Variants in SLC8A1 observed in about 807,000 individuals in gnomAD.
SLC8A1 encodes the protein sodium/calcium exchanger 1.
In SLC8A1, 18 loss-of-function variants were observed where a neutral mutation model predicts 68.3. The observed-to-expected ratio is 0.26, with a 90% confidence interval of 0.18 to 0.39. SLC8A1 has a LOEUF of 0.39. Among genes scored for constraint, SLC8A1 ranks in the 10% least tolerant of loss-of-function variants. The pLI, the probability that SLC8A1 is intolerant of heterozygous loss-of-function variation, is 1.00. For missense variants in SLC8A1, 985 were observed against 1,156.7 expected (o/e 0.85, Z 2.15); for synonymous variants, 475 against 415.5 (o/e 1.14, Z -1.74).
intron 2 of SLC8A1, among the ~76,000 whole-genome samples, chr2:40,304,154 T>G (rs1480600987): frequency 6.6e-6 from 1 of 152,208 alleles, no homozygotes; most frequent in Non-Finnish European, 1.5e-5. Flanking sequence ...CACATGGTAG[T>G]GTTTTAATGG....
chr2:40,110,087 G>GC (rs1209173964), exon 8 of SLC8A1: 1 of 152,104 alleles, frequency 6.6e-6, no homozygotes, highest in African/African-American at 2.4e-5. Context: ...ATCTTGACAG[G>GC]CAGGGAAAAA....
chr2:40,502,195 A>T (rs1706097987), intron 1 of SLC8A1, among the ~76,000 whole-genome samples: 1 of 152,074 alleles, frequency 6.6e-6, no homozygotes, highest in Non-Finnish European at 1.5e-5. Context: ...CTTTCTTTAG[A>T]AAAATTTGTA....
At chr2:40,388,644 G>A (rs1390827409) in intron 2 of SLC8A1, among the ~76,000 whole-genome samples, 3 of 151,960 alleles carry the variant, frequency 2.0e-5, no homozygotes, top group Non-Finnish European at 4.4e-5. Context: ...CAATTTTGTT[G>A]GAAATTTTCT....
At chr2:40,470,680 C>G (rs952441634) in intron 1 of SLC8A1, among the ~76,000 whole-genome samples, 1 of 151,828 alleles carries the variant, frequency 6.6e-6, no homozygotes, top group Non-Finnish European at 1.5e-5. Context: ...AAATAAAAGA[C>G]TATCCCTCAA....
chr2:40,221,977 T>G (rs2058388287), intron 2 of SLC8A1, among the ~76,000 whole-genome samples: 2 of 152,140 alleles, frequency 1.3e-5, no homozygotes, highest in Admixed American at 1.3e-4. Context: ...GCTATCCCCA[T>G]CAAGCTACCA....
At chr2:40,291,655 A>C (rs747958789) in intron 2 of SLC8A1, among the ~76,000 whole-genome samples, 5 of 152,160 alleles carry the variant, frequency 3.3e-5, no homozygotes, top group Non-Finnish European at 7.4e-5. Context: ...AGTCCAGAGA[A>C]GTACTGCTAA....
chr2:40,284,479 G>A (rs2067990289), intron 2 of SLC8A1, among the ~76,000 whole-genome samples: 1 of 144,832 alleles, frequency 6.9e-6, no homozygotes, highest in Non-Finnish European at 1.5e-5. Context: ...CTATAGATAT[G>A]TATGTATACA....
chr2:40,505,603 A>G (rs1706320272), intron 1 of SLC8A1, among the ~76,000 whole-genome samples: 1 of 152,002 alleles, frequency 6.6e-6, no homozygotes, highest in Non-Finnish European at 1.5e-5. Flanking sequence ...ATACACACCT[A>G]CAAATACTCA....
chr2:40,464,606 G>A (rs1160230378), intron 1 of SLC8A1, among the ~76,000 whole-genome samples: 1 of 152,170 alleles, frequency 6.6e-6, no homozygotes, highest in Non-Finnish European at 1.5e-5. Flanking sequence ...TAGAGTTGGT[G>A]AAAGACTACA....
chr2:40,107,561 C>A (rs1209670009), exon 8 of SLC8A1: 1 of 152,108 alleles, frequency 6.6e-6, no homozygotes, highest in African/African-American at 2.4e-5. Flanking sequence ...AAAAGTACTT[C>A]TCTTTGTATT....
At chr2:40,468,235 G>A (rs4952628) in intron 1 of SLC8A1, among the ~76,000 whole-genome samples, 3,101 of 151,976 alleles carry the variant, frequency 0.02, 131 homozygotes, top group Admixed American at 0.096. Flanking sequence ...TTTTTCTCTG[G>A]AAAAATAATT....
chr2:40,147,068 G>A (rs1323701602), intron 6 of SLC8A1, among the ~76,000 whole-genome samples: 2 of 152,168 alleles, frequency 1.3e-5, no homozygotes, highest in Non-Finnish European at 2.9e-5. Flanking sequence ...GGTTAACATA[G>A]CACAAGAAAT....
At chr2:40,425,371 T>G (rs1415596513) in intron 2 of SLC8A1, among the ~76,000 whole-genome samples, 2 of 151,912 alleles carry the variant, frequency 1.3e-5, no homozygotes, top group African/African-American at 4.8e-5. Context: ...GGAATCTATC[T>G]TGTTTTTGGA....
At chr2:40,500,277 C>A (rs1705970908) in intron 1 of SLC8A1, among the ~76,000 whole-genome samples, 1 of 152,036 alleles carries the variant, frequency 6.6e-6, no homozygotes, top group African/African-American at 2.4e-5. Flanking sequence ...TATCTATGGA[C>A]CATACCTTTC....
At position 40,399,040 on chromosome 2, in the gene SLC8A1, T is replaced by G. The variant is rs1014894667; in HGVS notation, c.1808+29433A>C. On this transcript the variant is annotated intron_variant, in intron 2 of 7. Coordinates refer to ENST00000406785, the Ensembl canonical transcript of SLC8A1. The stretch of plus-strand genomic sequence containing the variant: ...GTCACAAACAGCCCAGGGACCCAAA[T>G]GAGAAAGCATCTGTCAGAGATTCAT... 2.6e-5 allele frequency among the ~76,000 whole-genome samples: 4 copies of G among 152,256 alleles called. No individual in the cohort carries two copies. In the East Asian group the frequency reaches 7.7e-4, roughly 29 times the overall value.
At position 40,476,485 on chromosome 2, in the gene SLC8A1, G is replaced by A. The variant is rs1704303231; in HGVS notation, c.-25+35864C>T. On this transcript the variant is annotated intron_variant, in intron 1 of 7. Transcript: ENST00000402441. ...ATAAAAAAGAAAAGCAAGCTTTGGG[G>A]AAATAGAATGACTGAGAGGATGTTT... 2.0e-5 allele frequency among the ~76,000 whole-genome samples: 3 copies of A among 152,206 alleles called. No homozygotes were observed. In the South Asian group the frequency reaches 6.2e-4, roughly 31 times the overall value.
At chr2:40,448,032 C>G (rs1266984048) in intron 1 of SLC8A1, among the ~76,000 whole-genome samples, 1 of 152,208 alleles carries the variant, frequency 6.6e-6, no homozygotes, top group African/African-American at 2.4e-5. Flanking sequence ...AAAACACCTA[C>G]TGTTCAATAT....
chr2:40,237,007 G>A (rs143017494), intron 2 of SLC8A1, among the ~76,000 whole-genome samples: 23,450 of 150,460 alleles, frequency 0.16, 2,418 homozygotes, highest in African/African-American at 0.28. Flanking sequence ...AGGGTAACCC[G>A]ACCTTTCTCT....
intron 2 of SLC8A1, among the ~76,000 whole-genome samples, chr2:40,416,764 T>C (rs1380986210): frequency 6.6e-6 from 1 of 152,070 alleles, no homozygotes; most frequent in African/African-American, 2.4e-5. Context: ...TCCTTCTGCA[T>C]TCCATTCTGT....
Sources: allele counts gnomAD v4.1 joint callset (sites outside exome capture counted in the v4.1 genomes callset), GRCh38; gene constraint gnomAD v4.1.1; transcripts MANE v1.5; gene names NCBI Gene and HGNC (gene_info 2026-07-23, HGNC 2026-07-21).